Variants in ZNRF1 observed in about 807,000 individuals in gnomAD.
ZNRF1 encodes the protein zinc and ring finger 1, also known as E3 ubiquitin-protein ligase ZNRF1.
Under a neutral mutation model 18.4 loss-of-function variants are expected in ZNRF1, and 3 were observed. That is an observed-to-expected ratio of 0.16 (90% confidence interval 0.07 to 0.42). The LOEUF (loss-of-function observed/expected upper bound fraction) is 0.42, where lower values mean the gene tolerates loss of function less well. Ranked by LOEUF, ZNRF1 falls within the 10% of genes least tolerant of loss-of-function variation. ZNRF1 has a pLI of 0.99. For missense variants in ZNRF1, 310 were observed against 329.8 expected (o/e 0.94, Z 0.47); for synonymous variants, 157 against 144.2 (o/e 1.09, Z -0.64).
intron 1 of ZNRF1, among the ~76,000 whole-genome samples, chr16:75,028,355 G>A (rs917395827): frequency 6.6e-6 from 1 of 152,206 alleles, no homozygotes; most frequent in Non-Finnish European, 1.5e-5. Context: ...GTGCAATGGC[G>A]TGATGTCGGC....
chr16:75,027,004 T>C (rs75562502), intron 1 of ZNRF1, among the ~76,000 whole-genome samples: 2,083 of 152,282 alleles, frequency 0.014, 23 homozygotes, highest in Middle Eastern at 0.031. Flanking sequence ...CATTCAATTA[T>C]TGAATCCTCA....
intron 1 of ZNRF1, among the ~76,000 whole-genome samples, chr16:75,033,760 G>A (rs1332632624): frequency 6.6e-6 from 1 of 152,110 alleles, no homozygotes; most frequent in African/African-American, 2.4e-5. Context: ...TAAAAGTCTT[G>A]TGCACATTTT....
At chr16:75,102,120 C>T (rs2036261110) in intron 2 of ZNRF1, among the ~76,000 whole-genome samples, 1 of 152,180 alleles carries the variant, frequency 6.6e-6, no homozygotes, top group Non-Finnish European at 1.5e-5. Context: ...TATGCTTTTT[C>T]CTTGGGGTTC....
chr16:75,000,356 C>T (rs1440242723), intron 1 of ZNRF1: 2 of 661,120 alleles, frequency 3.0e-6, no homozygotes, highest in Non-Finnish European at 5.6e-6. Flanking sequence ...TATTGGAGTT[C>T]CATTTATTGG....
chr16:75,019,718 G>C lies in ZNRF1; in HGVS notation c.424+19623G>C, dbSNP rs528989953. 1.3e-4 allele frequency among the ~76,000 whole-genome samples: 20 copies of C among 152,078 alleles called. 2 individuals carry two copies. Among genetic ancestry groups the C allele is most frequent in the South Asian group, 1.2e-3 (6 of 4,804 alleles). On this transcript the variant is annotated intron_variant, in intron 1 of 4. Coordinates refer to ENST00000335325, the MANE Select transcript of ZNRF1 (RefSeq NM_032268.5). Reference sequence around the variant, plus strand: ...CAACTTTTGATTTTTGTTTTGTTCTGTTTTGTTTTGTTTGTTTGTTTGTTG... The same window carrying C: ...CAACTTTTGATTTTTGTTTTGTTCTCTTTTGTTTTGTTTGTTTGTTTGTTG...
chr16:75,033,302 T>G (rs1442451176), intron 1 of ZNRF1, among the ~76,000 whole-genome samples: 1 of 151,696 alleles, frequency 6.6e-6, no homozygotes, highest in Non-Finnish European at 1.5e-5. Flanking sequence ...GAATTTTGAT[T>G]GGGATTTTAT....
chr16:75,028,963 C>G (rs1032759920), intron 1 of ZNRF1, among the ~76,000 whole-genome samples: 4 of 152,174 alleles, frequency 2.6e-5, no homozygotes, highest in African/African-American at 7.2e-5. Context: ...GGCACGAAGG[C>G]TTAGTCCTTG....
intron 1 of ZNRF1, among the ~76,000 whole-genome samples, chr16:75,080,083 T>C (rs984901154): frequency 1.4e-4 from 21 of 152,036 alleles, no homozygotes. Context: ...GCCTGGCTAA[T>C]TTTTGTATAC....
intron 1 of ZNRF1, among the ~76,000 whole-genome samples, chr16:75,064,578 C>T (rs1353246207): frequency 6.8e-6 from 1 of 147,524 alleles, no homozygotes. Context: ...AAAAAAAAAG[C>T]GTGCTTAGAG....
intron 1 of ZNRF1, among the ~76,000 whole-genome samples, chr16:75,026,503 G>A (rs1009261928): frequency 1.3e-5 from 2 of 152,118 alleles, no homozygotes; most frequent in Non-Finnish European, 2.9e-5. Flanking sequence ...GAAAAATTCT[G>A]TAATGATTTG....
chr16:75,100,520 G>A (rs902669378), intron 2 of ZNRF1, among the ~76,000 whole-genome samples: 7 of 152,180 alleles, frequency 4.6e-5, no homozygotes, highest in South Asian at 2.1e-4. Flanking sequence ...CCTGGGGGGC[G>A]ATGAGGGAGA....
chr16:75,032,921 G>A (rs2035325159), intron 1 of ZNRF1, among the ~76,000 whole-genome samples: 1 of 152,124 alleles, frequency 6.6e-6, no homozygotes, highest in South Asian at 2.1e-4. Flanking sequence ...GCTGAGGCAG[G>A]AGGATCACTT....
intron 1 of ZNRF1, among the ~76,000 whole-genome samples, chr16:75,035,979 A>G (rs1336446886): frequency 1.3e-5 from 2 of 152,172 alleles, no homozygotes; most frequent in African/African-American, 2.4e-5. Context: ...CTGGGAGACT[A>G]CCGTTCTCTG....
chr16:75,061,795 A>G (rs772000666), intron 1 of ZNRF1, among the ~76,000 whole-genome samples: 23 of 152,186 alleles, frequency 1.5e-4, no homozygotes, highest in Non-Finnish European at 3.1e-4. Context: ...TTCTTAACAC[A>G]ATGAGTCGTC....
intron 1 of ZNRF1, among the ~76,000 whole-genome samples, chr16:75,048,057 A>G (rs1179692334): frequency 6.6e-6 from 1 of 151,000 alleles, no homozygotes; most frequent in Non-Finnish European, 1.5e-5. Context: ...GGCTCAGGGG[A>G]TCCTCCTGCC....
intron 1 of ZNRF1, among the ~76,000 whole-genome samples, chr16:75,082,206 C>T (rs892854554): frequency 2.0e-5 from 3 of 151,976 alleles, no homozygotes; most frequent in African/African-American, 4.8e-5. Flanking sequence ...TGTATCTGCT[C>T]GGACTCAGGT....
intron 1 of ZNRF1, among the ~76,000 whole-genome samples, chr16:75,054,771 C>G (rs74343341): frequency 6.6e-6 from 1 of 152,252 alleles, no homozygotes; most frequent in Non-Finnish European, 1.5e-5. Context: ...TACCTATTCA[C>G]GTGGAGCGTG....
chr16:75,026,251 GTTAT>G (rs1341612871), intron 1 of ZNRF1, among the ~76,000 whole-genome samples: 8 of 152,044 alleles, frequency 5.3e-5, no homozygotes, highest in East Asian at 3.9e-4. Flanking sequence ...ACATTCTAAG[GTTAT>G]TTATTTTTTT....
chr16:75,003,513 A>T (rs1281284859), intron 1 of ZNRF1, among the ~76,000 whole-genome samples: 1 of 152,184 alleles, frequency 6.6e-6, no homozygotes, highest in Non-Finnish European at 1.5e-5. Context: ...TGTGCAGGTA[A>T]GGAAACAGGT....
Sources: allele counts gnomAD v4.1 joint callset (sites outside exome capture counted in the v4.1 genomes callset), GRCh38; gene constraint gnomAD v4.1.1; transcripts MANE v1.5; gene names NCBI Gene and HGNC (gene_info 2026-07-23, HGNC 2026-07-21).